Variants in GLMN observed in about 807,000 individuals in gnomAD.
GLMN encodes the protein glomulin, FKBP associated protein.
Under a neutral mutation model 87.8 loss-of-function variants are expected in GLMN, and 75 were observed. The ratio of observed to expected loss-of-function variants is 0.85; its 90% CI spans 0.71 to 1.04. The LOEUF is 1.04. Among genes scored for constraint, GLMN ranks in the 50% least tolerant of loss-of-function variants. The pLI, the probability that GLMN is intolerant of heterozygous loss-of-function variation, is 0.00. For missense variants in GLMN, 588 were observed against 658.8 expected (o/e 0.89, Z 1.18); for synonymous variants, 206 against 221.6 (o/e 0.93, Z 0.63).
At chr1:92,301,603 T>C (rs370748104), upstream of GLMN, 5 of 1,126,750 alleles carry the variant, frequency 4.4e-6, no homozygotes, top group African/African-American at 3.2e-5. Context: ...ATGTGTTAAG[T>C]TGACAAATTA....
At chr1:92,256,097 T>C (rs1654197998) in intron 16 of GLMN, among the ~76,000 whole-genome samples, 1 of 152,076 alleles carries the variant, frequency 6.6e-6, no homozygotes, top group Non-Finnish European at 1.5e-5. Flanking sequence ...AAATACAAAC[T>C]ACCATCAGAG....
chr1:92,318,587 C>T, the GLMN span, among the ~76,000 whole-genome samples: 1,460 of 152,148 alleles, frequency 9.6e-3, 22 homozygotes, highest in African/African-American at 0.034. Context: ...TTTACTGAAC[C>T]AATTGGAGGC....
chr1:92,299,094 G>A (rs1394282598), upstream of GLMN: 3 of 1,518,682 alleles, frequency 2.0e-6, no homozygotes, highest in Admixed American at 2.1e-5. Flanking sequence ...TCGCTGGGCC[G>A]TCTTCTGCCG....
the GLMN span, chr1:92,307,348 C>A: frequency 2.9e-6 from 3 of 1,031,304 alleles, no homozygotes; most frequent in Non-Finnish European, 4.3e-6. Context: ...TTGAGATTAG[C>A]TGAGAGTAAG....
intron 5 of GLMN, among the ~76,000 whole-genome samples, chr1:92,289,578 AT>A (rs1336975238): frequency 1.3e-5 from 2 of 152,186 alleles, no homozygotes; most frequent in African/African-American, 4.8e-5. Flanking sequence ...AACAAATTTA[AT>A]TTCTGATTCT....
chr1:92,311,571 T>C, the GLMN span, among the ~76,000 whole-genome samples: 7 of 152,204 alleles, frequency 4.6e-5, no homozygotes, highest in African/African-American at 1.7e-4. Flanking sequence ...AATTTGAACT[T>C]GGCATCACTG....
At chr1:92,273,784 A>T (rs1351432820) in intron 7 of GLMN, among the ~76,000 whole-genome samples, 1 of 151,934 alleles carries the variant, frequency 6.6e-6, no homozygotes, top group East Asian at 1.9e-4. Flanking sequence ...ACATTATTAT[A>T]TGCAACTAGA....
intron 7 of GLMN, among the ~76,000 whole-genome samples, chr1:92,277,467 G>A (rs533605233): frequency 1.8e-4 from 28 of 152,238 alleles, no homozygotes; most frequent in African/African-American, 5.8e-4. Context: ...TGATAGCTGC[G>A]TCTCCTGGAT....
chr1:92,317,322 C>T, the GLMN span, among the ~76,000 whole-genome samples: 4 of 152,084 alleles, frequency 2.6e-5, no homozygotes, highest in Non-Finnish European at 5.9e-5. Flanking sequence ...GCCTGGCCAA[C>T]ATGGTGAAAC....
the GLMN span, among the ~76,000 whole-genome samples, chr1:92,331,360 G>A: frequency 1.3e-5 from 2 of 151,822 alleles, no homozygotes; most frequent in African/African-American, 4.8e-5. Context: ...ACAGTATTTG[G>A]GTTTAAATCT....
chr1:92,246,958 AG>A, intron 18 of GLMN, 103 bp downstream of exon 18: 1 of 764,546 alleles, frequency 1.3e-6, no homozygotes, highest in Non-Finnish European at 2.4e-6. Flanking sequence ...AGGGAGTTGA[AG>A]CTGCAGTGAG....
chr1:92,250,036 G>T (rs1362976373), intron 16 of GLMN, among the ~76,000 whole-genome samples: 1 of 151,288 alleles, frequency 6.6e-6, no homozygotes, highest in Non-Finnish European at 1.5e-5. Context: ...TCACCTCTGG[G>T]TTTATAGGCA....
At chr1:92,287,487 C>G (rs1430039472) in intron 6 of GLMN, among the ~76,000 whole-genome samples, 1 of 151,014 alleles carries the variant, frequency 6.6e-6, no homozygotes, top group Non-Finnish European at 1.5e-5. Flanking sequence ...ACTACAGGCA[C>G]ACACCACTGT....
At chr1:92,329,794 C>T in the GLMN span, among the ~76,000 whole-genome samples, 117 of 152,284 alleles carry the variant, frequency 7.7e-4, no homozygotes, top group Non-Finnish European at 1.4e-3. Flanking sequence ...TTTGGTCCTC[C>T]TAATATTTGC....
At chr1:92,250,628 TAA>T (rs905913059) in intron 16 of GLMN, among the ~76,000 whole-genome samples, 2 of 152,196 alleles carry the variant, frequency 1.3e-5, no homozygotes, top group African/African-American at 4.8e-5. Flanking sequence ...ATAGTTGAAA[TAA>T]AAGTTTTCCC....
intron 12 of GLMN, 44 bp from the exon 13 acceptor site, chr1:92,266,536 T>A: frequency 8.2e-7 from 1 of 1,224,166 alleles, no homozygotes; most frequent in Non-Finnish European, 1.2e-6. Context: ...TGAATAAAGC[T>A]TACCCAGACT....
At chr1:92,297,227 C>G (rs1479381849) in intron 3 of GLMN, among the ~76,000 whole-genome samples, 177 bp downstream of exon 3, 1 of 150,618 alleles carries the variant, frequency 6.6e-6, no homozygotes, top group South Asian at 2.1e-4. Flanking sequence ...GCTGTGATTA[C>G]GAACGTGAGC....
At chr1:92,317,985 C>G in the GLMN span, among the ~76,000 whole-genome samples, 1 of 152,196 alleles carries the variant, frequency 6.6e-6, no homozygotes, top group East Asian at 1.9e-4. Context: ...ACCACAACCT[C>G]TATCTCAATC....
At chr1:92,317,272 G>C in the GLMN span, among the ~76,000 whole-genome samples, 1 of 152,126 alleles carries the variant, frequency 6.6e-6, no homozygotes, top group Admixed American at 6.6e-5. Context: ...ATTTTGGGAG[G>C]CCGAGGCGGG....
Sources: allele counts gnomAD v4.1 joint callset (sites outside exome capture counted in the v4.1 genomes callset), GRCh38; gene constraint gnomAD v4.1.1; transcripts MANE v1.5; gene names NCBI Gene and HGNC (gene_info 2026-07-23, HGNC 2026-07-21).